The following FSIP1 variants were observed in gnomAD, a reference collection of about 807,000 sequenced individuals.
The protein encoded by FSIP1 is fibrous sheath-interacting protein 1.
A neutral mutation model predicts 60.9 loss-of-function variants in FSIP1; 65 were observed. The observed-to-expected ratio is 1.07, with a 90% CI of 0.87 to 1.31. The LOEUF is 1.31. Among genes scored for constraint, FSIP1 ranks in the 40% most tolerant of loss-of-function variants. FSIP1 has a pLI of 0.00. For synonymous variants in FSIP1, 209 were observed against 221.2 expected, an observed-to-expected ratio of 0.94 and a Z score of 0.49; for missense variants, 675 against 665.5, an observed-to-expected ratio of 1.01 and a Z score of -0.16.
At chr15:39,653,420 CTT>C (rs1019042752) in intron 10 of FSIP1, among the ~76,000 whole-genome samples, 1 of 152,102 alleles carries the variant, frequency 6.6e-6, no homozygotes, top group African/African-American at 2.4e-5. Context: ...ACCTTCTAAA[CTT>C]TTAAATTTTT....
chr15:39,654,136 G>A (rs1347806542), intron 10 of FSIP1, among the ~76,000 whole-genome samples: 8 of 152,158 alleles, frequency 5.3e-5, no homozygotes, highest in Non-Finnish European at 8.8e-5. Flanking sequence ...GGAACTGCTC[G>A]AGGTTGCTTT....
At chr15:39,713,299 G>T (rs1053529582) in intron 10 of FSIP1, 145 bp downstream of exon 10, 3 of 574,806 alleles carry the variant, frequency 5.2e-6, no homozygotes, top group African/African-American at 3.9e-5. Context: ...GGGTGCGGTG[G>T]CCCACACCTG....
At chr15:39,708,502 C>A (rs1251909476) in intron 10 of FSIP1, among the ~76,000 whole-genome samples, 2 of 152,182 alleles carry the variant, frequency 1.3e-5, no homozygotes, top group African/African-American at 2.4e-5. Context: ...TATAAAGAAT[C>A]AAATTAACAT....
Position 39,729,208 on chromosome 15 carries a change from C to T in FSIP1, c.892-2461G>A, listed in dbSNP as rs894873198. Among the ~76,000 whole-genome samples the T allele has an allele frequency of 2.0e-5, 3 of 152,312 alleles. No homozygotes were observed. In the East Asian group the frequency reaches 5.8e-4, roughly 29 times the overall value. ...TTTCTCAAGGAACTTAAAACACAAG[C>T]ACCATTCAACCCAGCAATCTCATTA... On this transcript the variant is annotated intron_variant, in intron 8 of 11. Transcript: ENST00000350221.
At chr15:39,735,015 G>GAA in intron 8 of FSIP1, among the ~76,000 whole-genome samples, 1 of 152,192 alleles carries the variant, frequency 6.6e-6, no homozygotes, top group African/African-American at 2.4e-5. Flanking sequence ...AGCATTCCTA[G>GAA]AATGTATCAA....
At chr15:39,661,556 C>G (rs1893297439) in intron 10 of FSIP1, among the ~76,000 whole-genome samples, 1 of 152,222 alleles carries the variant, frequency 6.6e-6, no homozygotes, top group Non-Finnish European at 1.5e-5. Context: ...GTTCATTCAC[C>G]TTGAATTCAA....
intron 7 of FSIP1, 150 bp from the exon 8 acceptor site, chr15:39,738,351 A>C: frequency 5.3e-6 from 3 of 561,572 alleles, no homozygotes; most frequent in Non-Finnish European, 9.2e-6. Flanking sequence ...ATTTTATTTT[A>C]TACCAAAATT....
At chr15:39,602,717 A>T (rs534502621) in intron 11 of FSIP1, among the ~76,000 whole-genome samples, 16 of 152,282 alleles carry the variant, frequency 1.1e-4, no homozygotes, top group African/African-American at 3.9e-4. Context: ...TTCTCTCACT[A>T]TGGAGTGTTC....
At chr15:39,765,554 A>C in intron 4 of FSIP1, 38 bp downstream of exon 4, 1 of 1,484,766 alleles carries the variant, frequency 6.7e-7, no homozygotes, top group Non-Finnish European at 9.1e-7. Context: ...AGGAGAATTT[A>C]TTTCTTACAT....
intron 10 of FSIP1, among the ~76,000 whole-genome samples, chr15:39,641,232 T>G (rs1022069622): frequency 2.0e-5 from 3 of 151,300 alleles, no homozygotes; most frequent in African/African-American, 4.9e-5. Flanking sequence ...AAAAAAAAAA[T>G]GTTTTTTTAA....
intron 11 of FSIP1, chr15:39,602,370 T>C (rs1488665220): frequency 2.2e-6 from 1 of 456,016 alleles, no homozygotes; most frequent in Non-Finnish European, 4.4e-6. Flanking sequence ...GCGTGTGGCC[T>C]TGGTGACACC....
intron 5 of FSIP1, among the ~76,000 whole-genome samples, chr15:39,747,610 T>C (rs1425808627): frequency 1.7e-4 from 26 of 152,234 alleles, no homozygotes; most frequent in Non-Finnish European, 8.8e-5. Flanking sequence ...AATGTCTTTC[T>C]GTTGTCTTCA....
At position 39,726,509 on chromosome 15, in the gene FSIP1, T is replaced by A. The variant is rs1420550516; in HGVS notation, c.1050+80A>T. ...AACTATGATCACTGGAAAAAGCAAC[T>A]GGTTAACAACCAGATTGTAAAATTA... On this transcript the variant is annotated intron_variant, in intron 9 of 11. Transcript: ENST00000350221. 7 of 1,461,854 alleles carry A rather than the reference T, an allele frequency of 4.8e-6. No individual in the cohort carries two copies. In the East Asian group the frequency reaches 1.6e-4, roughly 33 times the overall value. 90.6% of individuals were successfully genotyped at this position (1,461,854 alleles called of 1,614,324 possible). A position where few individuals can be genotyped will look rare whatever the true frequency, so the allele number is the denominator to read the frequency against.
intron 3 of FSIP1, among the ~76,000 whole-genome samples, chr15:39,767,875 C>G (rs183730762): frequency 3.3e-5 from 5 of 152,330 alleles, no homozygotes; most frequent in Middle Eastern, 3.4e-3. Flanking sequence ...ATCCTCCAAG[C>G]CAACATGTGA....
At chr15:39,770,720 A>T in intron 2 of FSIP1, 110 bp from the exon 3 acceptor site, 2 of 605,482 alleles carry the variant, frequency 3.3e-6, no homozygotes, top group Non-Finnish European at 2.7e-6. Flanking sequence ...AATGTACATA[A>T]ATGCATACAC....
chr15:39,708,550 C>T (rs569474551), intron 10 of FSIP1, among the ~76,000 whole-genome samples: 1 of 152,208 alleles, frequency 6.6e-6, no homozygotes, highest in Admixed American at 6.5e-5. Context: ...TGGGAAGTTA[C>T]CATCTGTGAT....
chr15:39,659,935 A>T (rs1233807601), intron 10 of FSIP1, among the ~76,000 whole-genome samples: 2 of 152,212 alleles, frequency 1.3e-5, no homozygotes, highest in Non-Finnish European at 2.9e-5. Flanking sequence ...AAGTCCAAGG[A>T]TCATTTCAAA....
chr15:39,674,086 G>C (rs911262628), intron 10 of FSIP1, among the ~76,000 whole-genome samples: 13 of 148,308 alleles, frequency 8.8e-5, no homozygotes, highest in Non-Finnish European at 1.0e-4. Flanking sequence ...ACAGAGTCTC[G>C]CTCTGTCGCC....
chr15:39,643,068 G>A (rs752273805), intron 10 of FSIP1, among the ~76,000 whole-genome samples: 9 of 152,168 alleles, frequency 5.9e-5, no homozygotes, highest in Non-Finnish European at 1.2e-4. Context: ...AGAAAATCCT[G>A]TAGCAGTATA....
Sources: allele counts gnomAD v4.1 joint callset (sites outside exome capture counted in the v4.1 genomes callset), GRCh38; gene constraint gnomAD v4.1.1; transcripts MANE v1.5; gene names NCBI Gene and HGNC (gene_info 2026-07-23, HGNC 2026-07-21).